Variants in SEMA4D observed in about 807,000 individuals in gnomAD.
SEMA4D encodes the protein semaphorin 4D, also known as semaphorin-4D.
SEMA4D carries 22 observed loss-of-function variants against 74.8 expected under a neutral mutation model. The ratio of observed to expected loss-of-function variants is 0.29; its 90% CI spans 0.21 to 0.42. The LOEUF is 0.42. Ranked by LOEUF, SEMA4D falls within the 10% of genes least tolerant of loss-of-function variation. SEMA4D has a pLI of 1.00. For missense variants in SEMA4D, 937 were observed against 1,118.4 expected (o/e 0.84, Z 2.31); for synonymous variants, 445 against 463.7 (o/e 0.96, Z 0.52).
chr9:89,399,935 T>G (rs1285946242), intron 4 of SEMA4D, among the ~76,000 whole-genome samples: 1 of 144,384 alleles, frequency 6.9e-6, no homozygotes. Context: ...GAGGCGAAGG[T>G]TGCAGTAAGC....
At chr9:89,417,363 C>T (rs905899032) in intron 2 of SEMA4D, among the ~76,000 whole-genome samples, 18 of 152,156 alleles carry the variant, frequency 1.2e-4, no homozygotes, top group Non-Finnish European at 2.4e-4. Flanking sequence ...TAATTAAAGC[C>T]GCCCTATCTA....
intron 1 of SEMA4D, among the ~76,000 whole-genome samples, chr9:89,481,019 G>A (rs969302470): frequency 1.3e-5 from 2 of 152,240 alleles, no homozygotes; most frequent in African/African-American, 4.8e-5. Flanking sequence ...CCCGCTAAAA[G>A]TAACACGTCT....
intron 2 of SEMA4D, among the ~76,000 whole-genome samples, chr9:89,441,956 G>T (rs972397744): frequency 3.3e-5 from 5 of 152,172 alleles, no homozygotes; most frequent in African/African-American, 1.2e-4. Context: ...CCATCCCCAT[G>T]GCTGTGTTTA....
intron 1 of SEMA4D, chr9:89,479,741 TCGTGGTCTCGCTGGG>T: frequency 6.4e-6 from 1 of 155,572 alleles, no homozygotes; most frequent in Non-Finnish European, 1.4e-5. Flanking sequence ...CCCGGTGGGC[TCGTGGTCTCGCTGGG>T]CTCAGGAGTG....
chr9:89,464,168 C>G (rs1181295762), intron 1 of SEMA4D, among the ~76,000 whole-genome samples: 1 of 152,170 alleles, frequency 6.6e-6, no homozygotes, highest in Non-Finnish European at 1.5e-5. Flanking sequence ...CCTGTTTCTT[C>G]CTCTCTTCTC....
chr9:89,441,838 TGAA>T (rs1851737713), intron 2 of SEMA4D, among the ~76,000 whole-genome samples: 3 of 152,082 alleles, frequency 2.0e-5, no homozygotes, highest in African/African-American at 7.2e-5. Flanking sequence ...CTGATCTAAG[TGAA>T]AGGGAAGTCC....
At chr9:89,473,258 A>G (rs4242604) in intron 1 of SEMA4D, among the ~76,000 whole-genome samples, 130,192 of 152,230 alleles carry the variant, frequency 0.86, 56,539 homozygotes, top group Non-Finnish European at 0.93. Flanking sequence ...GCAGTGCTCC[A>G]TTCGGAGCTG....
At chr9:89,370,898 CAT>C (rs1687586120) in intron 16 of SEMA4D, among the ~76,000 whole-genome samples, 2 of 111,338 alleles carry the variant, frequency 1.8e-5, no homozygotes, top group Admixed American at 2.1e-4. Context: ...GGATGTGTGG[CAT>C]GTGACTGGGA....
intron 1 of SEMA4D, among the ~76,000 whole-genome samples, chr9:89,465,368 CATT>C (rs1199741527): frequency 6.6e-6 from 1 of 152,172 alleles, no homozygotes; most frequent in Admixed American, 6.5e-5. Flanking sequence ...GCATTAAAAA[CATT>C]ATTAAATCAT....
At chr9:89,447,922 C>G (rs1232678451) in intron 2 of SEMA4D, among the ~76,000 whole-genome samples, 1 of 152,218 alleles carries the variant, frequency 6.6e-6, no homozygotes, top group African/African-American at 2.4e-5. Flanking sequence ...CATCAATCAG[C>G]CCAGCTCCCC....
intron 1 of SEMA4D, among the ~76,000 whole-genome samples, chr9:89,458,190 C>T (rs1031244635): frequency 6.6e-6 from 1 of 152,132 alleles, no homozygotes; most frequent in African/African-American, 2.4e-5. Context: ...TGAGTGGCTG[C>T]GCAGGAAACA....
chr9:89,396,813 C>T lies in SEMA4D; in HGVS notation c.338G>A (p.Arg113Gln), dbSNP rs771659656. The change falls in exon 6 of 16, where the codon CGG becomes CAG. Residue 113 changes from arginine to glutamine, a missense_variant. Coordinates refer to ENST00000422704, the MANE Select transcript of SEMA4D (RefSeq NM_001371194.2). ...AGTGGCGCTGAGTGGCTGCAGCACC[C>T]GGATGTAGTTGAGGCACTCTGTCTG... The part of the protein sequence containing the change: ...SKQTECLNYI[R>Q]VLQPLSATSL... 11 of 1,613,682 alleles carry T rather than the reference C, an allele frequency of 6.8e-6. No individual in the cohort carries two copies. The East Asian group carries it at 1.3e-4, about 20-fold the overall frequency.
Position 89,392,310 on chromosome 9 carries a change from G to A in SEMA4D, c.622+113C>T, listed in dbSNP as rs6559349. On this transcript the variant is annotated intron_variant, in intron 8 of 15. Coordinates refer to ENST00000422704, the MANE Select transcript of SEMA4D (RefSeq NM_001371194.2). ...TGGGAAGTATCCCCCACAAACAGGG[G>A]CTAACACAAGCTCGGGGGCCCCCAG... is the stretch of plus-strand genomic sequence containing the variant. 16 of 734,620 alleles carry A rather than the reference G, an allele frequency of 2.2e-5. No homozygotes were observed. In the African/African-American group the frequency reaches 2.8e-4, roughly 13 times the overall value. The allele number at this position is 734,620 out of a possible 1,614,324, so 45.5% of individuals were successfully genotyped here. A position where few individuals can be genotyped will look rare whatever the true frequency, so the allele number is the denominator to read the frequency against.
intron 13 of SEMA4D, chr9:89,385,866 G>GGGGGGGGGGCCCCCCCCCCCCCC: frequency 5.1e-6 from 1 of 196,226 alleles, no homozygotes; most frequent in Non-Finnish European, 9.0e-6. Flanking sequence ...CAGCGTGGAT[G>GGGGGGGGGGCCCCCCCCCCCCCC]CCCGCCCACC....
intron 2 of SEMA4D, among the ~76,000 whole-genome samples, chr9:89,408,660 C>T (rs553859855): frequency 1.5e-5 from 2 of 133,056 alleles, no homozygotes; most frequent in South Asian, 4.9e-4. Flanking sequence ...GGCTCCCGCG[C>T]CACTAGAGGA....
chr9:89,408,166 C>A (rs10118327), intron 2 of SEMA4D, among the ~76,000 whole-genome samples: 47,071 of 152,166 alleles, frequency 0.31, 7,482 homozygotes, highest in African/African-American at 0.35. Flanking sequence ...AATCATATTA[C>A]TATATAACTA....
intron 1 of SEMA4D, among the ~76,000 whole-genome samples, chr9:89,457,567 T>C (rs937742162): frequency 6.6e-6 from 1 of 151,508 alleles, no homozygotes; most frequent in Non-Finnish European, 1.5e-5. Context: ...TGAGACCCCA[T>C]CTCTACAAAA....
chr9:89,482,378 C>A (rs1040885804), intron 1 of SEMA4D, among the ~76,000 whole-genome samples: 1 of 152,324 alleles, frequency 6.6e-6, no homozygotes, highest in South Asian at 2.1e-4. Flanking sequence ...AAGAACAGCA[C>A]GGGCCACACT....
intron 13 of SEMA4D, among the ~76,000 whole-genome samples, chr9:89,382,169 T>C (rs964731039): frequency 2.0e-5 from 3 of 152,152 alleles, no homozygotes; most frequent in African/African-American, 7.2e-5. Flanking sequence ...CTGACTGCTT[T>C]TGAACGGAAC....
Sources: gnomAD v4.1 joint callset for allele counts (sites outside exome capture counted in the v4.1 genomes callset) on GRCh38, gnomAD v4.1.1 for gene constraint, MANE v1.5 for transcripts, NCBI Gene and HGNC (gene_info 2026-07-23, HGNC 2026-07-21) for gene names.